RPL27: variants seen among roughly 807,000 people sequenced by gnomAD.
RPL27 encodes ribosomal protein L27, also known as large ribosomal subunit protein eL27.
For missense variants in RPL27, 131 were observed against 174.3 expected (o/e 0.75, Z 1.40); for synonymous variants, 77 against 61.0 (o/e 1.26, Z -1.22).
Position 42,999,948 on chromosome 17 carries a change from A to G in RPL27, c.97A>G (p.Thr33Ala). 1 of 1,611,854 alleles carries G rather than the reference A, an allele frequency of 6.2e-7. No individual in the cohort carries two copies. The highest frequency in any genetic ancestry group is 8.5e-7 in the Non-Finnish European group (1 of 1,179,782). ...AVIVKNIDDGTSDRPYSHALV... is the reference protein window; with the variant it reads ...AVIVKNIDDGASDRPYSHALV... The stretch of plus-strand genomic sequence containing the variant: ...ACTCATTTAGAACATTGATGATGGC[A>G]CCTCAGATCGCCCCTACAGCCATGC... The change falls in exon 3 of 5, where the codon ACC becomes GCC. Residue 33 changes from threonine (T) to alanine (A), a missense_variant. Physicochemically the swap from Thr to Ala is moderately conservative, Grantham distance 58. Coordinates refer to ENST00000253788, the MANE Select transcript of RPL27 (RefSeq NM_000988.5).
At chr17:42,998,922 T>C in intron 2 of RPL27, 91 bp downstream of exon 2, 1 of 1,023,346 alleles carries the variant, frequency 9.8e-7, no homozygotes, top group Non-Finnish European at 1.5e-6. Flanking sequence ...GGCCTGTTTC[T>C]GGGGCAGTAG....
intron 3 of RPL27, 106 bp from the exon 4 acceptor site, chr17:43,002,566 CT>C: frequency 1.4e-6 from 1 of 701,362 alleles, no homozygotes; most frequent in East Asian, 2.5e-5. Context: ...TTGATGGTTG[CT>C]TCTAAGGAGT....
rs1455443747 is a variant in RPL27 at position 43,001,621 on chromosome 17, AAAAAAT to A, written c.252-1043_252-1038del. Among the ~76,000 whole-genome samples, 7 of 151,686 alleles carry A rather than the reference AAAAAAT, an allele frequency of 4.6e-5. No homozygotes were observed. In the East Asian group the frequency reaches 7.7e-4, roughly 17 times the overall value. The stretch of plus-strand genomic sequence containing the variant: ...GGGTGACAGAGCGAGACTCCATCTC[AAAAAAT>A]AAAAATAATAATAAAAGGGCAGAGA... On this transcript the variant is annotated intron_variant, in intron 3 of 4. Transcript: ENST00000253788.
Position 43,000,008 on chromosome 17 carries a change from G to A in RPL27, c.157G>A (p.Val53Met). ...TGGAATTGACCGCTACCCCCGCAAA[G>A]TGACAGCTGCCATGGGCAAGAAGAA... ...VAGIDRYPRKVTAAMGKKKIA... is the reference protein window; with the variant it reads ...VAGIDRYPRKMTAAMGKKKIA... The change falls in exon 3 of 5, where the codon GTG becomes ATG. Residue 53 changes from valine (V) to methionine (M), a missense_variant. Coordinates refer to ENST00000253788, the MANE Select transcript of RPL27 (RefSeq NM_000988.5). 6.2e-7 allele frequency: 1 copy of A among 1,612,564 alleles called. No homozygotes were observed. Among genetic ancestry groups the A allele is most frequent in the Non-Finnish European group, 8.5e-7 (1 of 1,179,982 alleles).
Position 43,000,098 on chromosome 17 carries a change from A to G in RPL27, c.247A>G (p.Thr83Ala). The change falls in exon 3 of 5, where the codon ACA becomes GCA. Residue 83 changes from threonine to alanine, a missense_variant. Thr to Ala is a moderately conservative substitution (Grantham distance 58). Coordinates refer to ENST00000253788, the MANE Select transcript of RPL27 (RefSeq NM_000988.5). ...GTATAACTACAATCACCTAATGCCC[A>G]CAAGGTGAGCATTTCAAGAACTAGA... The part of the protein sequence containing the change: ...KVYNYNHLMP[T>A]RYSVDIPLDK... 1 of 1,609,678 alleles carries G rather than the reference A, an allele frequency of 6.2e-7. No individual in the cohort carries two copies. Among genetic ancestry groups the G allele is most frequent in the Non-Finnish European group, 8.5e-7 (1 of 1,176,808 alleles).
intron 1 of RPL27, 94 bp from the exon 2 acceptor site, chr17:42,998,655 C>T: frequency 1.0e-6 from 1 of 963,116 alleles, no homozygotes; most frequent in South Asian, 1.4e-5. Context: ...GTCTGAAGTT[C>T]CGGCCCAAGA....
chr17:42,999,456 A>G (rs1436028836), intron 2 of RPL27: 1 of 155,836 alleles, frequency 6.4e-6, no homozygotes, highest in Non-Finnish European at 1.4e-5. Flanking sequence ...CTTATCCATG[A>G]TTTTGTAGCT....
In RPL27 at chr17:43,000,486, G is replaced by GTTTTGT. The variant is rs1555570157; in HGVS notation, c.251+388_251+389insGTTTTT. On this transcript the variant is annotated intron_variant, in intron 3 of 4. Coordinates refer to ENST00000253788, the MANE Select transcript of RPL27 (RefSeq NM_000988.5). ...TTAGTACAGTGTTTTGTTTTGTTTTGTTTTTTTTTGAGACGGAGTCGCCCA... is the reference window on the plus strand; with the variant it reads ...TTAGTACAGTGTTTTGTTTTGTTTTGTTTTGTTTTTTTTTTGAGACGGAGTCGCCCA... Among the ~76,000 whole-genome samples the GTTTTGT allele has an allele frequency of 2.3e-4, 34 of 146,724 alleles. 1 individual carries two copies. Among genetic ancestry groups the GTTTTGT allele is most frequent in the Admixed American group, 1.9e-3 (28 of 15,010 alleles).
At chr17:43,002,565 G>T in intron 3 of RPL27, 108 bp from the exon 4 acceptor site, 1 of 689,156 alleles carries the variant, frequency 1.5e-6, no homozygotes, top group South Asian at 1.6e-5. Flanking sequence ...TTTGATGGTT[G>T]CTTCTAAGGA....
chr17:42,999,152 C>CCTTTT (rs1208475224), intron 2 of RPL27: 26 of 207,342 alleles, frequency 1.3e-4, no homozygotes, highest in Non-Finnish European at 1.5e-4. Flanking sequence ...ATAGGGGATT[C>CCTTTT]CTTTTCTTTT....
chr17:43,002,622 G>T lies in RPL27; in HGVS notation c.252-51G>T, dbSNP rs777591641. 7 of 1,127,416 alleles carry T rather than the reference G, an allele frequency of 6.2e-6. No individual in the cohort carries two copies. The East Asian group carries it at 1.6e-4, about 27-fold the overall frequency. 69.8% of individuals were successfully genotyped at this position (1,127,416 alleles called of 1,614,324 possible). ...GTCCCACAAGGATTTGGGCTGTATA[G>T]GGGCCCCGGCAGTATGTGGGCTAAT... On this transcript the variant is annotated intron_variant, in intron 3 of 4. Transcript: ENST00000253788.
At chr17:43,002,525 A>G in intron 3 of RPL27, 148 bp from the exon 4 acceptor site, 1 of 607,614 alleles carries the variant, frequency 1.6e-6, no homozygotes, top group Non-Finnish European at 3.0e-6. Flanking sequence ...AAAAGTGTGA[A>G]TTTTCAGATA....
Position 43,002,912 on chromosome 17 carries a change from C to T in RPL27, c.403C>T (p.Arg135Trp), listed in dbSNP as rs146328911. ...GAACAAGTGGTTCTTCCAGAAACTG[C>T]GGTTTTAGATGCTTTGTTTTGATCA... is the stretch of plus-strand genomic sequence containing the variant. ...GKNKWFFQKLRF is the reference protein window; with the variant it reads ...GKNKWFFQKLWF Residue 135 changes from arginine to tryptophan, a missense_variant, in exon 5 of 5, where the codon CGG becomes TGG. Coordinates refer to ENST00000253788, the MANE Select transcript of RPL27 (RefSeq NM_000988.5). 2.1e-4 allele frequency: 333 copies of T among 1,612,468 alleles called. No individual in the cohort carries two copies. Among genetic ancestry groups the T allele is most frequent in the Admixed American group, 2.8e-4 (17 of 59,974 alleles).
rs2050379647 is a variant in RPL27 at position 43,002,781 on chromosome 17, G to A, written c.360G>A (p.Glu120=). Residue 120 remains glutamate, a splice_region_variant and synonymous_variant, in exon 4 of 5, where the codon GAG becomes GAA. Transcript: ENST00000253788. ...GGGAGGCCAAGGTCAAGTTTGAAGA[G>A]AGGTAAGTAGGCTTTGGTAGTGAAT... ...ARREAKVKFE[E]RYKTGKNKWF... 1 of 1,611,210 alleles carries A rather than the reference G, an allele frequency of 6.2e-7. No individual in the cohort carries two copies. The highest frequency in any genetic ancestry group is 8.5e-7 in the Non-Finnish European group (1 of 1,177,294).
At chr17:42,998,944 G>A (rs2151964602) in intron 2 of RPL27, 113 bp downstream of exon 2, 1 of 793,252 alleles carries the variant, frequency 1.3e-6, no homozygotes. Context: ...CAGTGAGCAC[G>A]GTCAGGGTGA....
In RPL27 at chr17:42,998,727, C is replaced by A. The variant is rs772517081; in HGVS notation, c.-2-22C>A. On this transcript the variant is annotated intron_variant, in intron 1 of 4. Transcript: ENST00000253788. ...TTGGCTTTACGGATTTTTAAGTGGC[C>A]CTTTCTCCTTGCTCTCTGCAGAAAT... 5.6e-6 allele frequency: 9 copies of A among 1,593,642 alleles called. No homozygotes were observed. The South Asian group carries it at 9.9e-5, about 18-fold the overall frequency.
chr17:43,001,192 C>T (rs540077498), intron 3 of RPL27, among the ~76,000 whole-genome samples: 17 of 150,686 alleles, frequency 1.1e-4, no homozygotes, highest in African/African-American at 3.4e-4. Flanking sequence ...TGCAGGGAGC[C>T]GAGATCACAC....
At position 42,999,944 on chromosome 17, in the gene RPL27, T is replaced by G; in HGVS notation, c.93T>G (p.Asp31Glu). 1 of 1,611,890 alleles carries G rather than the reference T, an allele frequency of 6.2e-7. No individual in the cohort carries two copies. The highest frequency in any genetic ancestry group is 8.5e-7 in the Non-Finnish European group (1 of 1,179,740). The stretch of plus-strand genomic sequence containing the variant: ...TCTTACTCATTTAGAACATTGATGA[T>G]GGCACCTCAGATCGCCCCTACAGCC... The part of the protein sequence containing the change: ...RKAVIVKNID[D>E]GTSDRPYSHA... The change falls in exon 3 of 5, where the codon GAT (aspartate) becomes GAG (glutamate). Residue 31 changes from aspartate to glutamate, a missense_variant. Asp to Glu is a conservative substitution (Grantham distance 45). Coordinates refer to ENST00000253788, the MANE Select transcript of RPL27 (RefSeq NM_000988.5).
At chr17:43,002,073 A>G (rs758789849) in intron 3 of RPL27, among the ~76,000 whole-genome samples, 12 of 151,278 alleles carry the variant, frequency 7.9e-5, no homozygotes, top group East Asian at 3.9e-4. Context: ...CAGCCTGGGC[A>G]ACAGCGAGAC....
Sources: gnomAD v4.1 joint callset for allele counts (sites outside exome capture counted in the v4.1 genomes callset) on GRCh38, gnomAD v4.1.1 for gene constraint, MANE v1.5 for transcripts, NCBI Gene and HGNC (gene_info 2026-07-23, HGNC 2026-07-21) for gene names.